The following IKZF2 variants were observed in gnomAD, a reference collection of about 807,000 sequenced individuals.
IKZF2 encodes IKAROS family zinc finger 2, also known as zinc finger protein Helios.
IKZF2 carries 15 observed loss-of-function variants against 49.2 expected under a neutral mutation model. The observed-to-expected ratio is 0.30, with a 90% CI of 0.20 to 0.47. The LOEUF (loss-of-function observed/expected upper bound fraction) is 0.47, where lower values mean the gene tolerates loss of function less well. Among genes scored for constraint, IKZF2 ranks in the 20% least tolerant of loss-of-function variants. IKZF2 has a pLI of 1.00. For synonymous variants in IKZF2, 227 were observed against 221.4 expected, an observed-to-expected ratio of 1.03 and a Z score of -0.23; for missense variants, 567 against 664.6, an observed-to-expected ratio of 0.85 and a Z score of 1.61.
intron 8 of IKZF2, among the ~76,000 whole-genome samples, chr2:213,009,706 G>T (rs1043451916): frequency 3.3e-5 from 5 of 152,056 alleles, no homozygotes; most frequent in African/African-American, 1.2e-4. Context: ...GCAATTTAAG[G>T]ATCATTTACA....
intron 2 of IKZF2, among the ~76,000 whole-genome samples, 153 bp from the exon 3 acceptor site, chr2:213,148,797 G>C (rs528906216): frequency 1.3e-5 from 2 of 152,298 alleles, no homozygotes; most frequent in South Asian, 4.1e-4. Context: ...GTGCTCATTT[G>C]CAAGTCACTG....
chr2:213,088,026 T>C lies in IKZF2; in HGVS notation c.140-30927A>G, dbSNP rs546701124. Among the ~76,000 whole-genome samples, 6 of 152,304 alleles carry C rather than the reference T, an allele frequency of 3.9e-5. No individual in the cohort carries two copies. The South Asian group carries it at 1.2e-3, about 32-fold the overall frequency. ...AATCCTTTGGGTATATACCCAGTAA[T>C]GGGATGGCTGGGTCAAATGATATTT... On this transcript the variant is annotated intron_variant, in intron 4 of 8. Coordinates refer to ENST00000434687, the MANE Select transcript of IKZF2 (RefSeq NM_001387220.1).
At chr2:213,096,809 A>G (rs562071305) in intron 4 of IKZF2, among the ~76,000 whole-genome samples, 2 of 152,150 alleles carry the variant, frequency 1.3e-5, no homozygotes, top group East Asian at 1.9e-4. Context: ...TTAAACTTGC[A>G]TGAGTACTGT....
chr2:213,041,351 G>A (rs1469327775), intron 6 of IKZF2, among the ~76,000 whole-genome samples: 1 of 150,700 alleles, frequency 6.6e-6, no homozygotes, highest in African/African-American at 2.4e-5. Flanking sequence ...GGGGGGGTGG[G>A]AGGATGGAGT....
intron 4 of IKZF2, among the ~76,000 whole-genome samples, chr2:213,079,785 G>T (rs538498882): frequency 6.6e-6 from 1 of 152,136 alleles, no homozygotes; most frequent in Admixed American, 6.5e-5. Flanking sequence ...TTCCCAAAGT[G>T]CTACCCACCT....
At chr2:213,066,846 TC>T (rs1206791810) in intron 4 of IKZF2, among the ~76,000 whole-genome samples, 1 of 152,074 alleles carries the variant, frequency 6.6e-6, no homozygotes, top group Non-Finnish European at 1.5e-5. Context: ...AGTATTTAAA[TC>T]ATGGAAATAC....
chr2:213,008,501 C>T (rs988438982), intron 8 of IKZF2, among the ~76,000 whole-genome samples: 3 of 151,762 alleles, frequency 2.0e-5, no homozygotes, highest in African/African-American at 2.4e-5. Flanking sequence ...CAAAGTGTTA[C>T]GATTACAGGC....
intron 7 of IKZF2, chr2:213,016,896 GA>G (rs1295306818): frequency 6.6e-6 from 1 of 152,182 alleles, no homozygotes; most frequent in African/African-American, 2.4e-5. Context: ...TACCTGGACT[GA>G]GGGTCCCACC....
chr2:213,070,004 A>G (rs573250472), intron 4 of IKZF2, among the ~76,000 whole-genome samples: 6 of 152,214 alleles, frequency 3.9e-5, no homozygotes, highest in South Asian at 2.1e-4. Flanking sequence ...TTTTAACCAT[A>G]AACACCTAAC....
chr2:213,035,333 T>G (rs1231920253), intron 6 of IKZF2, among the ~76,000 whole-genome samples: 4 of 152,178 alleles, frequency 2.6e-5, no homozygotes, highest in African/African-American at 9.7e-5. Flanking sequence ...CTCCCCTTAT[T>G]AAAATGTAAG....
intron 6 of IKZF2, among the ~76,000 whole-genome samples, chr2:213,042,612 T>G (rs1463006576): frequency 6.6e-6 from 1 of 152,146 alleles, no homozygotes; most frequent in African/African-American, 2.4e-5. Flanking sequence ...TCAATAAAGA[T>G]AAGCTGATAA....
chr2:213,134,757 A>G (rs2060594429), intron 4 of IKZF2, among the ~76,000 whole-genome samples: 1 of 152,136 alleles, frequency 6.6e-6, no homozygotes, highest in South Asian at 2.1e-4. Flanking sequence ...ATTCCTCATC[A>G]CTTAAGCAGG....
chr2:213,038,780 T>C (rs1699313866), intron 6 of IKZF2, among the ~76,000 whole-genome samples: 1 of 152,200 alleles, frequency 6.6e-6, no homozygotes, highest in South Asian at 2.1e-4. Flanking sequence ...TAGAAAATAC[T>C]TTAGCTTATG....
rs529389146 is a variant in IKZF2 at position 213,096,856 on chromosome 2, A to G, written c.140-39757T>C. On this transcript the variant is annotated intron_variant, in intron 4 of 8. Coordinates refer to ENST00000434687, the MANE Select transcript of IKZF2 (RefSeq NM_001387220.1). ...ATTACCAATGTAATGCTATCAATAA[A>G]ACCAATACAATGTTATTGATGTTAA... 1.7e-4 allele frequency among the ~76,000 whole-genome samples: 26 copies of G among 152,144 alleles called. No homozygotes were observed. In the Middle Eastern group the frequency reaches 0.01, roughly 60 times the overall value.
At chr2:213,110,469 A>T (rs2059668629) in intron 4 of IKZF2, among the ~76,000 whole-genome samples, 1 of 151,134 alleles carries the variant, frequency 6.6e-6, no homozygotes, top group Admixed American at 6.6e-5. Context: ...TTAGCAATAT[A>T]TTTTCGAAAT....
chr2:213,043,807 G>A (rs1699890271), intron 6 of IKZF2, among the ~76,000 whole-genome samples: 1 of 152,192 alleles, frequency 6.6e-6, no homozygotes, highest in East Asian at 1.9e-4. Flanking sequence ...GCTCACTGCT[G>A]CTCACCTCCT....
At chr2:213,130,219 A>T (rs1186325540) in intron 4 of IKZF2, among the ~76,000 whole-genome samples, 3 of 152,228 alleles carry the variant, frequency 2.0e-5, no homozygotes, top group African/African-American at 7.2e-5. Context: ...TAATCTAGAA[A>T]ATAAAAACAC....
intron 4 of IKZF2, among the ~76,000 whole-genome samples, chr2:213,145,146 T>C (rs2061005074): frequency 6.6e-6 from 1 of 151,424 alleles, no homozygotes; most frequent in African/African-American, 2.4e-5. Context: ...TTGATACTTT[T>C]CTGGCCAGAA....
At chr2:213,136,674 T>C (rs1426034416) in intron 4 of IKZF2, among the ~76,000 whole-genome samples, 2 of 152,162 alleles carry the variant, frequency 1.3e-5, no homozygotes, top group Non-Finnish European at 2.9e-5. Flanking sequence ...TGGTCTTTTC[T>C]TTAAATTACA....
Sources: gnomAD v4.1 joint callset for allele counts (sites outside exome capture counted in the v4.1 genomes callset) on GRCh38, gnomAD v4.1.1 for gene constraint, MANE v1.5 for transcripts, NCBI Gene and HGNC (gene_info 2026-07-23, HGNC 2026-07-21) for gene names.